The following HERC2 variants were observed in gnomAD, a reference collection of about 807,000 sequenced individuals.
HERC2 encodes HECT and RLD domain containing E3 ubiquitin protein ligase 2.
Under a neutral mutation model 537.7 loss-of-function variants are expected in HERC2, and 102 were observed. The observed-to-expected ratio is 0.19, with a 90% CI of 0.16 to 0.22. HERC2 has a LOEUF of 0.22. Ranked by LOEUF, HERC2 falls within the 10% of genes least tolerant of loss-of-function variation. HERC2 has a pLI of 1.00. For missense variants in HERC2, 4,236 were observed against 6,198.2 expected, an observed-to-expected ratio of 0.68 and a Z score of 10.63; for synonymous variants, 2,224 against 2,466.2, an observed-to-expected ratio of 0.90 and a Z score of 2.91.
intron 4 of HERC2, among the ~76,000 whole-genome samples, chr15:28,289,197 T>C (rs193065529): frequency 6.6e-6 from 1 of 152,120 alleles, no homozygotes; most frequent in Non-Finnish European, 1.5e-5. Flanking sequence ...CCTAATTATA[T>C]GATACCTGAA....
In HERC2 at chr15:28,174,528, G is replaced by A. The variant is rs1354987008; in HGVS notation, c.9924C>T (p.Gly3308=). 1.2e-6 allele frequency: 2 copies of A among 1,614,004 alleles called. No homozygotes were observed. Residue 3308 remains glycine (G), a synonymous_variant, in exon 65 of 93, where the codon GGC becomes GGT. Coordinates refer to ENST00000261609, the MANE Select transcript of HERC2 (RefSeq NM_004667.6). ...CACAAGCCACGCGTGTGATCTTCTG[G>A]CCTTCTAAGCCTTGCACGAGTGTGG... ...RKPTLVQGLE[G]QKITRVACGS... is the part of the protein sequence containing the mutation.
rs1370156635 is a variant in HERC2 at position 28,230,407 on chromosome 15, A to C, written c.4769T>G (p.Ile1590Arg). The stretch of plus-strand genomic sequence containing the variant: ...TGCAATGGGTCTCTTGTCCACATTT[A>C]TTGGACTATGAGGCAAAATGCAAGC... The part of the protein sequence containing the change: ...EEACILPHSP[I>R]NVDKRPIAIK... Residue 1590 changes from isoleucine (I) to arginine (R), a missense_variant, in exon 31 of 93, where the codon ATA becomes AGA. Physicochemically the swap from Ile to Arg is moderately conservative, Grantham distance 97. Around this residue, in one of 27 missense-constraint regions of HERC2, gnomAD observed 343 missense variants for 417.2 expected, o/e 0.82. Coordinates refer to ENST00000261609, the MANE Select transcript of HERC2 (RefSeq NM_004667.6). 2.0e-6 allele frequency: 3 copies of C among 1,529,918 alleles called. No individual in the cohort carries two copies. Among genetic ancestry groups the C allele is most frequent in the Non-Finnish European group, 2.7e-6 (3 of 1,120,348 alleles). The allele number at this position is 1,529,918 out of a possible 1,614,324, so 94.8% of individuals were successfully genotyped here.
chr15:28,202,572 T>G lies in HERC2; in HGVS notation c.7255A>C (p.Thr2419Pro). The G allele has an allele frequency of 1.4e-6, 1 of 724,888 alleles. No homozygotes were observed. Among genetic ancestry groups the G allele is most frequent in the Non-Finnish European group, 2.3e-6 (1 of 442,138 alleles). 44.9% of individuals were successfully genotyped at this position (724,888 alleles called of 1,614,324 possible). The change falls in exon 46 of 93, where the codon ACT becomes CCT. Residue 2419 changes from threonine (T) to proline (P), a missense_variant. Coordinates refer to ENST00000261609, the MANE Select transcript of HERC2 (RefSeq NM_004667.6). ...TCAAATCCTGGGCTCGAAGGGTGAG[T>G]GGACTCCACAGCCAAGCACTGGCAA... ...AVCQCLAVES[T>P]HPSSPGFEDC...
chr15:28,186,789 A>G, intron 55 of HERC2, 37 bp from the exon 56 acceptor site: 1 of 1,476,670 alleles, frequency 6.8e-7, no homozygotes. Context: ...ACTCTGTAGA[A>G]TCAAGCATAT....
chr15:28,143,603 C>T (rs1359348107), intron 74 of HERC2, among the ~76,000 whole-genome samples: 5 of 152,124 alleles, frequency 3.3e-5, no homozygotes, highest in African/African-American at 7.2e-5. Context: ...CCCACCACCA[C>T]GCCCATCTAA....
rs1336657508 is a variant in HERC2, at chr15:28,141,856, A to AT, written c.11701-11dup. 6.3e-7 allele frequency: 1 copy of AT among 1,585,014 alleles called. No homozygotes were observed. Among genetic ancestry groups the AT allele is most frequent in the South Asian group, 1.1e-5 (1 of 90,274 alleles). ...GAATTTTCTTAGCCACCTAAACAAA[A>AT]TTATTATGATGTTACAAATCAAACA... On this transcript the variant is annotated splice_polypyrimidine_tract_variant and intron_variant, in intron 76 of 92. Transcript: ENST00000261609.
In HERC2 at chr15:28,172,290, T is replaced by C. The variant is rs143785919; in HGVS notation, c.10057+2105A>G. Among the ~76,000 whole-genome samples, 373 of 152,284 alleles carry C rather than the reference T, an allele frequency of 2.4e-3. 2 individuals carry two copies. Among genetic ancestry groups the C allele is most frequent in the African/African-American group, 8.3e-3 (347 of 41,570 alleles). On this transcript the variant is annotated intron_variant, in intron 65 of 92. Transcript: ENST00000261609. ...AAACTGACAAGCTCATTTTAAGTTA[T>C]ATGGAAATGCAAAGGGCCTACAACA...
Position 28,163,111 on chromosome 15 carries a change from C to T in HERC2, c.10729G>A (p.Gly3577Arg), listed in dbSNP as rs1456601962. 6.2e-7 allele frequency: 1 copy of T among 1,610,582 alleles called. No homozygotes were observed. Among genetic ancestry groups the T allele is most frequent in the South Asian group, 1.1e-5 (1 of 90,990 alleles). ...AGACTCACCTGTGGGTAGGCGGTCC[C>T]CATGCCGGAAAGCACCGCGGAGAGC... is the stretch of plus-strand genomic sequence containing the variant. ...DVLSAVLSGM[G>R]TAYPQVADML... Residue 3577 changes from glycine (G) to arginine (R), a missense_variant, in exon 69 of 93, where the codon GGG becomes AGG. Physicochemically the swap from Gly to Arg is moderately radical, Grantham distance 125 (BLOSUM62 -2). Transcript: ENST00000261609.
intron 16 of HERC2, among the ~76,000 whole-genome samples, chr15:28,259,969 CA>C (rs35995546): frequency 0.11 from 7,399 of 67,506 alleles, 290 homozygotes; most frequent in East Asian, 0.38. Flanking sequence ...CTCCATCTGG[CA>C]AAAAAAAAAA....
At position 28,212,602 on chromosome 15, in the gene HERC2, C is replaced by A; in HGVS notation, c.6787-19G>T. ...CAGGGAGCTGGAGAGGACACAGAAGCTGTCAGAGTGTGGCCAATACGACTA... is the reference window on the plus strand; with the variant it reads ...CAGGGAGCTGGAGAGGACACAGAAGATGTCAGAGTGTGGCCAATACGACTA... On this transcript the variant is annotated intron_variant, in intron 42 of 92. Coordinates refer to ENST00000261609, the MANE Select transcript of HERC2 (RefSeq NM_004667.6). 1 of 1,607,224 alleles carries A rather than the reference C, an allele frequency of 6.2e-7. No homozygotes were observed. Among genetic ancestry groups the A allele is most frequent in the African/African-American group, 1.3e-5 (1 of 74,822 alleles).
At chr15:28,229,118 A>G in intron 34 of HERC2, 77 bp downstream of exon 34, 1 of 1,277,036 alleles carries the variant, frequency 7.8e-7, no homozygotes, top group Non-Finnish European at 1.1e-6. Context: ...CAAAAGCAAA[A>G]ATTGGCATTT....
At chr15:28,183,635 T>A (rs1055207092) in intron 56 of HERC2, among the ~76,000 whole-genome samples, 2 of 152,246 alleles carry the variant, frequency 1.3e-5, no homozygotes, top group Non-Finnish European at 2.9e-5. Flanking sequence ...GAATTGCTGC[T>A]TCTGTGTTTG....
At position 28,225,193 on chromosome 15, in the gene HERC2, C is replaced by CA. The variant is rs544448681; in HGVS notation, c.5465-2979dup. 6.4e-3 allele frequency among the ~76,000 whole-genome samples: 973 copies of CA among 152,042 alleles called. 11 individuals carry two copies. The highest frequency in any genetic ancestry group is 0.023 in the African/African-American group (943 of 41,462). ...ACTTGAGCCCAGGAGGTTGAGGCTG[C>CA]AGTGAGCCATGACTGTGCCACTGTA... On this transcript the variant is annotated intron_variant, in intron 35 of 92. Transcript: ENST00000261609.
Position 28,122,243 on chromosome 15 carries a change from G to C in HERC2, c.13189-814C>G, listed in dbSNP as rs1187573212. On this transcript the variant is annotated intron_variant, in intron 85 of 92. Coordinates refer to ENST00000261609, the MANE Select transcript of HERC2 (RefSeq NM_004667.6). This position sits in a 1 kb window ranked among gnomAD's most constrained non-coding sequence, Gnocchi z 4.1. Reference sequence around the variant, plus strand: ...CCGTTCCCCAGGAGGGAGCAGGTCGGCCATGCCCGTGGGGAAAGGGCAGAG... The same window carrying C: ...CCGTTCCCCAGGAGGGAGCAGGTCGCCCATGCCCGTGGGGAAAGGGCAGAG... Among the ~76,000 whole-genome samples, 1 of 152,248 alleles carries C rather than the reference G, an allele frequency of 6.6e-6. No individual in the cohort carries two copies. The highest frequency in any genetic ancestry group is 1.5e-5 in the Non-Finnish European group (1 of 68,044).
chr15:28,153,629 C>T (rs1307992550), intron 69 of HERC2, among the ~76,000 whole-genome samples: 1 of 151,910 alleles, frequency 6.6e-6, no homozygotes, highest in Non-Finnish European at 1.5e-5. Flanking sequence ...CCAGCCTGAG[C>T]GACAGAGAGA....
At chr15:28,140,816 C>A (rs1020280889) in intron 78 of HERC2, among the ~76,000 whole-genome samples, 1 of 151,670 alleles carries the variant, frequency 6.6e-6, no homozygotes, top group Non-Finnish European at 1.5e-5. Flanking sequence ...GCCACCGCAC[C>A]GGGTCAGCAG....
intron 3 of HERC2, among the ~76,000 whole-genome samples, chr15:28,296,452 G>T (rs748084870): frequency 6.6e-6 from 1 of 151,982 alleles, no homozygotes; most frequent in Non-Finnish European, 1.5e-5. Flanking sequence ...CAGCCTGAGC[G>T]ACAGAACAAG....
intron 50 of HERC2, among the ~76,000 whole-genome samples, chr15:28,197,821 A>G (rs1244460345): frequency 6.6e-6 from 1 of 152,192 alleles, no homozygotes; most frequent in African/African-American, 2.4e-5. Flanking sequence ...TGACAGGACA[A>G]GTTTACAGAA....
Position 28,144,639 on chromosome 15 carries a change from A to T in HERC2, c.11140+34T>A, listed in dbSNP as rs368926031. ...CTCCAGAAACAATCCACAGCCAGTC[A>T]TCTAACCTTGATCGCCATAAGCCCC... On this transcript the variant is annotated intron_variant, in intron 72 of 92. Transcript: ENST00000261609. The T allele has an allele frequency of 5.6e-6, 9 of 1,614,014 alleles. No homozygotes were observed. The African/African-American group carries it at 1.1e-4, about 19-fold the overall frequency.
Sources: gnomAD v4.1 joint callset for allele counts (sites outside exome capture counted in the v4.1 genomes callset) on GRCh38, gnomAD v4.1.1 for gene constraint, gnomAD v4.1.1 regional missense constraint, Gnocchi (gnomAD v3.1) non-coding constraint, MANE v1.5 for transcripts, NCBI Gene and HGNC (gene_info 2026-07-23, HGNC 2026-07-21) for gene names.